EGFL7: variants seen among roughly 807,000 people sequenced by gnomAD.
EGFL7 encodes EGF like domain multiple 7.
Under a neutral mutation model 37.1 loss-of-function variants are expected in EGFL7, and 48 were observed. The observed-to-expected ratio is 1.29, with a 90% confidence interval of 1.03 to 1.65. The LOEUF is 1.65. Among genes scored for constraint, EGFL7 ranks in the 40% most tolerant of loss-of-function variants. EGFL7 has a pLI of 0.00. For synonymous variants in EGFL7, 180 were observed against 156.8 expected (o/e 1.15, Z -1.10); for missense variants, 384 against 378.9 (o/e 1.01, Z -0.11).
At chr9:136,670,928 C>G in intron 8 of EGFL7, 22 bp from the exon 9 acceptor site, 1 of 1,553,490 alleles carries the variant, frequency 6.4e-7, no homozygotes, top group South Asian at 1.2e-5. Flanking sequence ...GGCCGTGACC[C>G]AGCGCCTGGC....
Position 136,668,275 on chromosome 9 carries a change from C to T in EGFL7, c.-8C>T. On this transcript the variant is annotated 5_prime_UTR_variant, in exon 4 of 11. Transcript: ENST00000308874. ...AGGAGAAGGCCACCCCGCCTGGAGG[C>T]ACAGGCCATGAGGGGCTCTCAGGAG... 6.2e-7 allele frequency: 1 copy of T among 1,601,440 alleles called. No individual in the cohort carries two copies. The highest frequency in any genetic ancestry group is 1.1e-5 in the South Asian group (1 of 89,098).
At chr9:136,661,085 C>G (rs1432127658), upstream of EGFL7, among the ~76,000 whole-genome samples, 1 of 152,096 alleles carries the variant, frequency 6.6e-6, no homozygotes, top group Non-Finnish European at 1.5e-5. Context: ...GGCCCCTATA[C>G]GGTGGAGTAG....
chr9:136,669,944 G>A lies in EGFL7; in HGVS notation c.344G>A (p.Gly115Glu). ...TGCCAGCCGCCATGCCGGAACGGAG[G>A]GAGCTGTGTCCAGCCTGGCCGCTGC... The part of the protein sequence containing the change: ...AICQPPCRNG[G>E]SCVQPGRCRC... Residue 115 changes from glycine to glutamate, a missense_variant, in exon 7 of 11, where the codon GGG (glycine) becomes GAG (glutamate). By Grantham distance (98) the Gly-to-Glu change is moderately conservative. Coordinates refer to ENST00000308874, the MANE Select transcript of EGFL7 (RefSeq NM_016215.5). The A allele has an allele frequency of 6.2e-7, 1 of 1,606,196 alleles. No individual in the cohort carries two copies.
At position 136,671,918 on chromosome 9, in the gene EGFL7, A is replaced by T. The variant is rs748642406; in HGVS notation, c.637-8A>T. 7 of 1,495,450 alleles carry T rather than the reference A, an allele frequency of 4.7e-6. No individual in the cohort carries two copies. The South Asian group carries it at 7.7e-5, about 16-fold the overall frequency. 92.6% of individuals were successfully genotyped at this position (1,495,450 alleles called of 1,614,324 possible). A position where few individuals can be genotyped will look rare whatever the true frequency, so the allele number is the denominator to read the frequency against. ...CGGCCCAGGGTCACTGCCCTTCTGC[A>T]CCCACAGAAGCTGCAGCTGGTGCTG... On this transcript the variant is annotated splice_polypyrimidine_tract_variant and splice_region_variant and intron_variant, in intron 9 of 10. Coordinates refer to ENST00000308874, the MANE Select transcript of EGFL7 (RefSeq NM_016215.5).
rs1287011373 is a variant in EGFL7, at chr9:136,666,284, C to T, written c.-43+1499C>T. ...GGCCCCGCGGTCCCCAGCCCTGCTC[C>T]CGCCGCGAGGGGTCCGCCAGTGCCT... On this transcript the variant is annotated intron_variant, in intron 3 of 10. Coordinates refer to ENST00000308874, the MANE Select transcript of EGFL7 (RefSeq NM_016215.5). This position sits in a 1 kb window ranked among gnomAD's most constrained non-coding sequence, Gnocchi z 6.8. 3.3e-5 allele frequency among the ~76,000 whole-genome samples: 5 copies of T among 151,756 alleles called. No homozygotes were observed. Among genetic ancestry groups the T allele is most frequent in the African/African-American group, 9.7e-5 (4 of 41,398 alleles).
intron 9 of EGFL7, among the ~76,000 whole-genome samples, chr9:136,671,535 A>AC (rs3838738): frequency 0.31 from 46,819 of 151,192 alleles, 7,557 homozygotes; most frequent in African/African-American, 0.34. Context: ...ACTGACCAGG[A>AC]CCCCCCAGGG....
rs1845463895 is a variant in EGFL7 at position 136,666,198 on chromosome 9, C to G, written c.-43+1413C>G. Among the ~76,000 whole-genome samples the G allele has an allele frequency of 6.6e-6, 1 of 150,964 alleles. No homozygotes were observed. The highest frequency in any genetic ancestry group is 2.4e-5 in the African/African-American group (1 of 41,330). On this transcript the variant is annotated intron_variant, in intron 3 of 10. Coordinates refer to ENST00000308874, the MANE Select transcript of EGFL7 (RefSeq NM_016215.5). This position sits in a 1 kb window ranked among gnomAD's most constrained non-coding sequence, Gnocchi z 6.8. The stretch of plus-strand genomic sequence containing the variant: ...CCCCCGCGAACCCCGGAGCCAGCAG[C>G]GCGGCTGGGAGGGGGCGGCGGGCAG...
chr9:136,665,550 G>T (rs563325166), intron 3 of EGFL7, among the ~76,000 whole-genome samples: 1 of 152,292 alleles, frequency 6.6e-6, no homozygotes, highest in South Asian at 2.1e-4. Context: ...CTGCCGCGGG[G>T]ACTCGGGCCC....
intron 5 of EGFL7, 43 bp from the exon 6 acceptor site, chr9:136,669,563 G>T (rs1187150588): frequency 4.1e-6 from 6 of 1,460,360 alleles, no homozygotes; most frequent in Non-Finnish European, 5.7e-6. Flanking sequence ...GGTGACTAAG[G>T]GGGAGTAGGA....
intron 9 of EGFL7, 31 bp from the exon 10 acceptor site, chr9:136,671,895 G>T (rs1019266908): frequency 6.8e-6 from 10 of 1,467,624 alleles, no homozygotes; most frequent in Non-Finnish European, 9.0e-6. Context: ...GCGGGGGCCG[G>T]CCCAGGGTCA....
Position 136,669,951 on chromosome 9 carries a change from T to TC in EGFL7, c.351_352insC (p.Val118ArgfsTer15), listed in dbSNP as rs747768985. 6.9e-6 allele frequency: 11 copies of TC among 1,605,784 alleles called. No individual in the cohort carries two copies. The East Asian group carries it at 2.2e-4, about 33-fold the overall frequency. ...CGCCATGCCGGAACGGAGGGAGCTG[T>TC]GTCCAGCCTGGCCGCTGCCGCTGCC... On this transcript the variant is annotated frameshift_variant, in exon 7 of 11. Transcript: ENST00000308874. LOFTEE classifies it high-confidence loss of function.
Position 136,672,276 on chromosome 9 carries a change from A to G in EGFL7, c.812A>G (p.Lys271Arg), listed in dbSNP as rs986367925. ...EEQLGSCSCK[K>R]DS is the part of the protein sequence containing the mutation. ...CATCCAACCCTAGGCTCCTGCAAGA[A>G]AGACTCGTGACTGCCCAGCGCCCCA... is the stretch of plus-strand genomic sequence containing the variant. The change falls in exon 11 of 11, where the codon AAA (lysine) becomes AGA (arginine). Residue 271 changes from lysine to arginine, a missense_variant. Lys to Arg is a conservative substitution (Grantham distance 26). Coordinates refer to ENST00000308874, the MANE Select transcript of EGFL7 (RefSeq NM_016215.5). The G allele has an allele frequency of 7.4e-6, 12 of 1,613,116 alleles. No homozygotes were observed. The highest frequency in any genetic ancestry group is 9.3e-6 in the Non-Finnish European group (11 of 1,179,862).
At chr9:136,660,467 C>G (rs1845075173), upstream of EGFL7, 2 of 152,420 alleles carry the variant, frequency 1.3e-5, no homozygotes, top group African/African-American at 4.8e-5. Flanking sequence ...TGGGGAGGGG[C>G]TGGGGGCAGG....
At chr9:136,665,121 C>G (rs551688464) in intron 3 of EGFL7, among the ~76,000 whole-genome samples, 5 of 152,232 alleles carry the variant, frequency 3.3e-5, no homozygotes, top group Non-Finnish European at 7.3e-5. Context: ...ATGGCCCTGA[C>G]TGTGCTGAAC....
Position 136,670,236 on chromosome 9 carries a change from C to A in EGFL7, c.477C>A (p.Tyr159Ter). ...PQRCVNTAGS[Y>*]WCQCWEGHSL... ...GCTGCGTCAACACCGCCGGCAGTTA[C>A]TGGTGCCAGTGTTGGGAGGGGCACA... The change falls in exon 8 of 11, where the codon TAC (tyrosine) becomes TAA (stop). Residue 159 changes from tyrosine to a stop codon, truncating the protein, a stop_gained. Coordinates refer to ENST00000308874, the MANE Select transcript of EGFL7 (RefSeq NM_016215.5). LOFTEE classifies it high-confidence loss of function. 1 of 1,612,606 alleles carries A rather than the reference C, an allele frequency of 6.2e-7. No individual in the cohort carries two copies. The highest frequency in any genetic ancestry group is 1.1e-5 in the South Asian group (1 of 91,066).
At chr9:136,670,043 G>A in intron 7 of EGFL7, 34 bp downstream of exon 7, 2 of 1,585,464 alleles carry the variant, frequency 1.3e-6, no homozygotes, top group South Asian at 1.1e-5. Flanking sequence ...GGCCCTGGAA[G>A]GGTCCTGGGC....
chr9:136,661,181 C>G (rs945001829), upstream of EGFL7, among the ~76,000 whole-genome samples: 1 of 152,114 alleles, frequency 6.6e-6, no homozygotes, highest in Non-Finnish European at 1.5e-5. Context: ...CAGCCAGGGG[C>G]GAGGGCAGAG....
chr9:136,661,499 G>A (rs956010853), upstream of EGFL7, among the ~76,000 whole-genome samples: 1 of 152,160 alleles, frequency 6.6e-6, no homozygotes, highest in African/African-American at 2.4e-5. Flanking sequence ...TCTGGAAAGA[G>A]GCCCCTCCCG....
intron 3 of EGFL7, among the ~76,000 whole-genome samples, 198 bp downstream of exon 3, chr9:136,664,983 G>A (rs1303079773): frequency 6.6e-6 from 1 of 152,228 alleles, no homozygotes; most frequent in East Asian, 1.9e-4. Flanking sequence ...CTAGATCCCA[G>A]GGCTGTTTAG....
Sources: allele counts gnomAD v4.1 joint callset (sites outside exome capture counted in the v4.1 genomes callset), GRCh38; gene constraint gnomAD v4.1.1; non-coding constraint Gnocchi (gnomAD v3.1); transcripts MANE v1.5; gene names NCBI Gene and HGNC (gene_info 2026-07-23, HGNC 2026-07-21).